The following NELL1 variants were observed in gnomAD, a reference collection of about 807,000 sequenced individuals.
NELL1 encodes protein kinase C-binding protein NELL1.
A neutral mutation model predicts 107.4 loss-of-function variants in NELL1; 76 were observed. The observed-to-expected ratio is 0.71, with a 90% CI of 0.59 to 0.86. NELL1 has a LOEUF of 0.86. Among genes scored for constraint, NELL1 ranks in the 40% least tolerant of loss-of-function variants. The probability of loss-of-function intolerance (pLI) is 0.00; values close to 1 mark genes in which losing one functional copy is unlikely to be tolerated. For missense variants in NELL1, 1,024 were observed against 1,005.5 expected (o/e 1.02, Z -0.25); for synonymous variants, 353 against 341.2 (o/e 1.03, Z -0.38).
intron 4 of NELL1, among the ~76,000 whole-genome samples, chr11:20,855,049 C>T (rs1205953806): frequency 6.6e-6 from 1 of 152,230 alleles, no homozygotes; most frequent in Non-Finnish European, 1.5e-5. Context: ...CACATTTCTA[C>T]TCATGCTATG....
chr11:20,833,549 G>T (rs1381277743), intron 3 of NELL1, among the ~76,000 whole-genome samples: 1 of 152,166 alleles, frequency 6.6e-6, no homozygotes, highest in Non-Finnish European at 1.5e-5. Flanking sequence ...AGATAACATG[G>T]TGAGAAAAAC....
chr11:21,406,755 T>G (rs1407593675), intron 15 of NELL1, among the ~76,000 whole-genome samples: 5 of 152,052 alleles, frequency 3.3e-5, no homozygotes, highest in Admixed American at 2.6e-4. Context: ...GACACATGCA[T>G]ACAGTGTGTA....
rs77600054 is a variant in NELL1 at position 20,908,845 on chromosome 11, G to C, written c.604-9337G>C. Among the ~76,000 whole-genome samples the C allele has an allele frequency of 2.8e-3, 421 of 152,250 alleles. 17 individuals are homozygous for C. In the East Asian group the frequency reaches 0.071, roughly 26 times the overall value. On this transcript the variant is annotated intron_variant, in intron 5 of 19. Coordinates refer to ENST00000357134, the MANE Select transcript of NELL1 (RefSeq NM_006157.5). ...TCCTAGGTTTATAGGTAAAAGAATT[G>C]AAAACAGGGACTCAAACAGACACTT...
chr11:20,767,419 T>C (rs957839608), intron 2 of NELL1, among the ~76,000 whole-genome samples: 1 of 152,202 alleles, frequency 6.6e-6, no homozygotes, highest in Non-Finnish European at 1.5e-5. Flanking sequence ...TGGTTGTGTT[T>C]ACAATCCTTT....
chr11:20,936,215 G>A (rs1479348980), intron 9 of NELL1, among the ~76,000 whole-genome samples: 2 of 152,142 alleles, frequency 1.3e-5, no homozygotes, highest in Non-Finnish European at 1.5e-5. Context: ...GTTGGAGAAA[G>A]GGGGCCAGGA....
chr11:21,168,570 C>A (rs117741046), intron 13 of NELL1, among the ~76,000 whole-genome samples: 1,899 of 151,752 alleles, frequency 0.013, 14 homozygotes, highest in South Asian at 0.024. Context: ...TAACATGGTC[C>A]AGTTTGTCTG....
intron 18 of NELL1, among the ~76,000 whole-genome samples, chr11:21,572,001 A>G (rs1167576560): frequency 6.6e-6 from 1 of 151,892 alleles, no homozygotes; most frequent in Non-Finnish European, 1.5e-5. Context: ...GAATGTGCAG[A>G]TAATCTTAAC....
At position 20,669,811 on chromosome 11, in the gene NELL1, G is replaced by A. The variant is rs867636314; in HGVS notation, c.55+33G>A. The A allele has an allele frequency of 6.3e-7, 1 of 1,586,476 alleles. No individual in the cohort carries two copies. The highest frequency in any genetic ancestry group is 8.7e-7 in the Non-Finnish European group (1 of 1,155,336). On this transcript the variant is annotated intron_variant, in intron 1 of 19. Transcript: ENST00000357134. This position sits in a 1 kb window ranked among gnomAD's most constrained non-coding sequence, Gnocchi z 4.4. The stretch of plus-strand genomic sequence containing the variant: ...TGACTGTGGCGGTTAGAGGGATCCG[G>A]GAAATGGGGGTGCCCACAGACCACG...
chr11:21,454,425 G>T (rs987503699), intron 15 of NELL1, among the ~76,000 whole-genome samples: 4 of 151,964 alleles, frequency 2.6e-5, no homozygotes, highest in Non-Finnish European at 4.4e-5. Flanking sequence ...ATGATTTATA[G>T]GTTCTTTATA....
At chr11:21,087,723 G>A (rs1854428347) in intron 12 of NELL1, among the ~76,000 whole-genome samples, 1 of 152,116 alleles carries the variant, frequency 6.6e-6, no homozygotes, top group African/African-American at 2.4e-5. Flanking sequence ...GCAAATTATG[G>A]CCCATGTACC....
At chr11:21,452,171 G>T (rs1038441790) in intron 15 of NELL1, among the ~76,000 whole-genome samples, 1 of 102,080 alleles carries the variant, frequency 9.8e-6, no homozygotes, top group African/African-American at 3.9e-5. Context: ...TTATCTTAGA[G>T]ATTTTCACAT....
Position 20,947,453 on chromosome 11 carries a change from T to A in NELL1, c.1171+18T>A, listed in dbSNP as rs1210921080. The A allele has an allele frequency of 6.3e-6, 10 of 1,592,506 alleles. No individual in the cohort carries two copies. The South Asian group carries it at 8.8e-5, about 14-fold the overall frequency. On this transcript the variant is annotated intron_variant, in intron 11 of 19. Transcript: ENST00000357134. The stretch of plus-strand genomic sequence containing the variant: ...CTGTAGAGGTAAGTGGGCTTGGTGG[T>A]GGGCCATGCGTGGGGTGAGGCTGGG...
In NELL1 at chr11:20,814,035, A is replaced by G. The variant is rs1359901727; in HGVS notation, c.335+30205A>G. Among the ~76,000 whole-genome samples the G allele has an allele frequency of 7.9e-5, 12 of 151,926 alleles. No individual in the cohort carries two copies. In the East Asian group the frequency reaches 1.5e-3, roughly 20 times the overall value. ...TGTAGAGATGGAGTCTTGCTCTGCCACCCAGGCTGGAGTGCAGTGGTGCGA... is the reference window on the plus strand; with the variant it reads ...TGTAGAGATGGAGTCTTGCTCTGCCGCCCAGGCTGGAGTGCAGTGGTGCGA... On this transcript the variant is annotated intron_variant, in intron 3 of 19. Coordinates refer to ENST00000357134, the MANE Select transcript of NELL1 (RefSeq NM_006157.5).
chr11:21,419,400 A>G (rs1399034973), intron 15 of NELL1, among the ~76,000 whole-genome samples: 1 of 152,158 alleles, frequency 6.6e-6, no homozygotes, highest in Non-Finnish European at 1.5e-5. Context: ...TTGTGTAATA[A>G]TGCTAGCCTG....
intron 4 of NELL1, among the ~76,000 whole-genome samples, chr11:20,884,085 C>T (rs1386272388): frequency 6.6e-6 from 1 of 152,162 alleles, no homozygotes; most frequent in Non-Finnish European, 1.5e-5. Context: ...ACCTGATGTG[C>T]TTGGAGCTTT....
intron 13 of NELL1, among the ~76,000 whole-genome samples, chr11:21,120,714 T>G (rs369620797): frequency 2.0e-5 from 3 of 152,276 alleles, no homozygotes; most frequent in South Asian, 2.1e-4. Context: ...AAAGCTACTT[T>G]TTGCTTGTTA....
intron 15 of NELL1, among the ~76,000 whole-genome samples, chr11:21,505,062 A>T (rs1246434927): frequency 6.6e-6 from 1 of 152,160 alleles, no homozygotes; most frequent in South Asian, 2.1e-4. Context: ...TAGAAAAGTT[A>T]TGTTTACTTC....
intron 2 of NELL1, among the ~76,000 whole-genome samples, chr11:20,760,782 A>G (rs1856402407): frequency 6.6e-6 from 1 of 152,192 alleles, no homozygotes; most frequent in South Asian, 2.1e-4. Flanking sequence ...TTATCTTTCT[A>G]CTTTATTTTT....
chr11:21,041,290 TTTGAG>T (rs1292031499), intron 12 of NELL1, among the ~76,000 whole-genome samples: 1 of 152,192 alleles, frequency 6.6e-6, no homozygotes, highest in Non-Finnish European at 1.5e-5. Flanking sequence ...GCGTAGTCGC[TTTGAG>T]TTAACACAAC....
Sources: gnomAD v4.1 joint callset for allele counts (sites outside exome capture counted in the v4.1 genomes callset) on GRCh38, gnomAD v4.1.1 for gene constraint, Gnocchi (gnomAD v3.1) non-coding constraint, MANE v1.5 for transcripts, NCBI Gene and HGNC (gene_info 2026-07-23, HGNC 2026-07-21) for gene names.